Variants in EXOC5 observed in about 807,000 individuals in gnomAD.
EXOC5 encodes the protein SEC10-like 1.
EXOC5 carries 17 observed loss-of-function variants against 90.8 expected under a neutral mutation model. The ratio of observed to expected loss-of-function variants is 0.19; its 90% CI spans 0.13 to 0.28. The LOEUF (loss-of-function observed/expected upper bound fraction) is 0.28, where lower values mean the gene tolerates loss of function less well. EXOC5 is among the 10% of genes least tolerant of loss of function. The probability of loss-of-function intolerance (pLI) is 1.00; values close to 1 mark genes in which losing one functional copy is unlikely to be tolerated. For synonymous variants in EXOC5, 260 were observed against 270.0 expected (o/e 0.96, Z 0.36); for missense variants, 569 against 830.6 (o/e 0.69, Z 3.87).
In EXOC5 at chr14:57,207,130, C is replaced by T. The variant is rs990018573; in HGVS notation, c.*1479G>A. ...TTCATTCCCCAGCTTACCTTGGTAA[C>T]ACTGGACTAAACAGAAAATGAAGAA... On this transcript the variant is annotated 3_prime_UTR_variant, in exon 18 of 18. Transcript: ENST00000621441. 4 of 152,460 alleles carry T rather than the reference C, an allele frequency of 2.6e-5. No individual in the cohort carries two copies. Among genetic ancestry groups the T allele is most frequent in the South Asian group, 4.1e-4 (2 of 4,830 alleles). 9.4% of individuals were successfully genotyped at this position (152,460 alleles called of 1,614,324 possible). A position where few individuals can be genotyped will look rare whatever the true frequency, so the allele number is the denominator to read the frequency against.
intron 12 of EXOC5, among the ~76,000 whole-genome samples, chr14:57,227,571 T>C (rs1883346771): frequency 1.3e-5 from 2 of 152,276 alleles, no homozygotes; most frequent in South Asian, 2.1e-4. Context: ...TTCACTCCCA[T>C]TGGCGGTGTG....
intron 1 of EXOC5, among the ~76,000 whole-genome samples, chr14:57,257,897 C>T (rs1364048557): frequency 1.3e-5 from 2 of 151,968 alleles, no homozygotes; most frequent in Non-Finnish European, 2.9e-5. Context: ...TTTTTAAATC[C>T]TTCAGAATTT....
intron 1 of EXOC5, among the ~76,000 whole-genome samples, chr14:57,250,524 C>T (rs898784500): frequency 1.3e-5 from 2 of 152,252 alleles, no homozygotes; most frequent in East Asian, 1.9e-4. Context: ...ATTGGATATA[C>T]GGTGCTAGTT....
chr14:57,240,363 C>T (rs537122367), intron 4 of EXOC5, among the ~76,000 whole-genome samples: 28 of 152,142 alleles, frequency 1.8e-4, no homozygotes, highest in Middle Eastern at 3.4e-3. Flanking sequence ...CTCACTGCAA[C>T]CTCCGCCTCC....
Position 57,247,719 on chromosome 14 carries a change from T to A in EXOC5, c.28-7A>T, listed in dbSNP as rs1475358264. ...CATCTGCCACAAAAGGCTCCTAGTT[T>A]ACAAAAAAATACGCTTTAACAAAGT... On this transcript the variant is annotated splice_region_variant and splice_polypyrimidine_tract_variant and intron_variant, in intron 1 of 17. Transcript: ENST00000621441. 6.9e-7 allele frequency: 1 copy of A among 1,442,016 alleles called. No homozygotes were observed. Among genetic ancestry groups the A allele is most frequent in the Non-Finnish European group, 9.4e-7 (1 of 1,064,510 alleles). 89.3% of individuals were successfully genotyped at this position (1,442,016 alleles called of 1,614,324 possible).
chr14:57,253,139 A>G (rs567568131), intron 1 of EXOC5, among the ~76,000 whole-genome samples: 1 of 152,178 alleles, frequency 6.6e-6, no homozygotes, highest in African/African-American at 2.4e-5. Flanking sequence ...GGAAGGCTAA[A>G]GCGGAGGCAG....
In EXOC5 at chr14:57,201,458, ACG is replaced by A. The variant is rs1317162499; in HGVS notation, c.*7149_*7150del. ...CACACACACGTGTGTATATATACAC[ACG>A]CGTGTATATGTACACACACGTGTAT... is the stretch of plus-strand genomic sequence containing the variant. On this transcript the variant is annotated 3_prime_UTR_variant, in exon 18 of 18. Coordinates refer to ENST00000621441, the MANE Select transcript of EXOC5 (RefSeq NM_006544.4). 6.1e-4 allele frequency: 90 copies of A among 146,862 alleles called. No homozygotes were observed. The highest frequency in any genetic ancestry group is 1.9e-3 in the Admixed American group (28 of 14,846). The allele number at this position is 146,862 out of a possible 1,614,324, so 9.1% of individuals were successfully genotyped here.
chr14:57,220,115 G>T (rs1883083025), intron 13 of EXOC5, among the ~76,000 whole-genome samples: 1 of 151,988 alleles, frequency 6.6e-6, no homozygotes, highest in African/African-American at 2.4e-5. Flanking sequence ...CATAGCTAAT[G>T]AGAAAATACA....
Position 57,256,228 on chromosome 14 carries a change from G to C in EXOC5, c.28-8516C>G, listed in dbSNP as rs139598172. Among the ~76,000 whole-genome samples, 1,159 of 152,204 alleles carry C rather than the reference G, an allele frequency of 7.6e-3. 19 individuals are homozygous for C. The highest frequency in any genetic ancestry group is 0.026 in the African/African-American group (1,099 of 41,516). ...GCAGGGCTGCTAATACACAATGGGG[G>C]CAGAGAGCAGTATGTTTGGCACACA... On this transcript the variant is annotated intron_variant, in intron 1 of 17. Coordinates refer to ENST00000621441, the MANE Select transcript of EXOC5 (RefSeq NM_006544.4).
chr14:57,229,398 G>A (rs1277484435), intron 12 of EXOC5, among the ~76,000 whole-genome samples: 1 of 151,908 alleles, frequency 6.6e-6, no homozygotes, highest in East Asian at 1.9e-4. Context: ...GATTCAACCA[G>A]CCACAGATCA....
intron 5 of EXOC5, among the ~76,000 whole-genome samples, chr14:57,238,969 GA>G (rs1010361627): frequency 7.9e-5 from 12 of 151,916 alleles, no homozygotes; most frequent in Non-Finnish European, 1.8e-4. Context: ...AAGAAATCAT[GA>G]AAAAATTTCC....
At chr14:57,259,289 G>T (rs1320839211) in intron 1 of EXOC5, among the ~76,000 whole-genome samples, 1 of 152,046 alleles carries the variant, frequency 6.6e-6, no homozygotes, top group African/African-American at 2.4e-5. Context: ...AGTAGAGATG[G>T]GGTTTTGCCA....
chr14:57,250,075 G>C (rs1195923341), intron 1 of EXOC5, among the ~76,000 whole-genome samples: 2 of 152,108 alleles, frequency 1.3e-5, no homozygotes, highest in African/African-American at 4.8e-5. Flanking sequence ...CCTGGCCAGA[G>C]TGAGATTATC....
At chr14:57,212,941 T>C (rs1882871600) in intron 15 of EXOC5, among the ~76,000 whole-genome samples, 1 of 152,220 alleles carries the variant, frequency 6.6e-6, no homozygotes, top group African/African-American at 2.4e-5. Flanking sequence ...AGTGTTTTTA[T>C]ATTTTTCATT....
At chr14:57,254,981 G>C (rs922027441) in intron 1 of EXOC5, among the ~76,000 whole-genome samples, 1 of 152,306 alleles carries the variant, frequency 6.6e-6, no homozygotes, top group Non-Finnish European at 1.5e-5. Context: ...AAGACAGACA[G>C]ATACATGAAA....
At chr14:57,227,059 A>C (rs1594658098) in intron 12 of EXOC5, among the ~76,000 whole-genome samples, 1 of 152,190 alleles carries the variant, frequency 6.6e-6, no homozygotes, top group East Asian at 1.9e-4. Flanking sequence ...AAAATGTGCA[A>C]ATCATATCTG....
chr14:57,209,363 A>T (rs1882757251), intron 17 of EXOC5, among the ~76,000 whole-genome samples: 1 of 152,040 alleles, frequency 6.6e-6, no homozygotes, highest in Non-Finnish European at 1.5e-5. Context: ...CTTTGGAAAA[A>T]AAATAAATAA....
chr14:57,237,270 C>T (rs1442811289), intron 6 of EXOC5, 68 bp downstream of exon 6: 3 of 825,816 alleles, frequency 3.6e-6, no homozygotes, highest in East Asian at 2.7e-5. Flanking sequence ...TCTCCTTTTG[C>T]TGTTTTATTT....
intron 5 of EXOC5, among the ~76,000 whole-genome samples, chr14:57,238,158 G>C (rs1883721931): frequency 6.7e-6 from 1 of 150,244 alleles, no homozygotes; most frequent in African/African-American, 2.4e-5. Flanking sequence ...TCACATATAA[G>C]GCCATATTAA....
Sources: allele counts gnomAD v4.1 joint callset (sites outside exome capture counted in the v4.1 genomes callset), GRCh38; gene constraint gnomAD v4.1.1; transcripts MANE v1.5; gene names NCBI Gene and HGNC (gene_info 2026-07-23, HGNC 2026-07-21).